Variants in PALM observed in about 807,000 individuals in gnomAD.
PALM encodes the protein paralemmin, also known as paralemmin-1.
PALM carries 18 observed loss-of-function variants against 30.7 expected under a neutral mutation model. That is an observed-to-expected ratio of 0.59 (90% CI 0.41 to 0.87). The LOEUF (loss-of-function observed/expected upper bound fraction) is 0.87. Among genes scored for constraint, PALM ranks in the 40% least tolerant of loss-of-function variants. The probability of loss-of-function intolerance (pLI) is 0.00; values close to 1 mark genes in which losing one functional copy is unlikely to be tolerated. For synonymous variants in PALM, 286 were observed against 242.8 expected (o/e 1.18, Z -1.66); for missense variants, 529 against 555.4 (o/e 0.95, Z 0.48).
At position 727,100 on chromosome 19, in the gene PALM, G is replaced by A. The variant is rs1250528514; in HGVS notation, c.138+12G>A. On this transcript the variant is annotated intron_variant, in intron 3 of 8. Coordinates refer to ENST00000338448, the MANE Select transcript of PALM (RefSeq NM_002579.3). ...TGCAGCACCTGAAGGTACGAGCGGGGCAGGGACCCAGGGTCAGGGAGTGCA... is the reference window on the plus strand; with the variant it reads ...TGCAGCACCTGAAGGTACGAGCGGGACAGGGACCCAGGGTCAGGGAGTGCA... 6 of 1,531,824 alleles carry A rather than the reference G, an allele frequency of 3.9e-6. No individual in the cohort carries two copies. Among genetic ancestry groups the A allele is most frequent in the South Asian group, 3.6e-5 (3 of 83,620 alleles). The allele number at this position is 1,531,824 out of a possible 1,614,324, so 94.9% of individuals were successfully genotyped here. A position where few individuals can be genotyped will look rare whatever the true frequency, so the allele number is the denominator to read the frequency against.
chr19:717,368 TC>T (rs2032299778), intron 1 of PALM, among the ~76,000 whole-genome samples: 1 of 150,762 alleles, frequency 6.6e-6, no homozygotes, highest in Non-Finnish European at 1.5e-5. Context: ...GATCGGCAGG[TC>T]CTGGACATTT....
chr19:738,545 G>A (rs531329582), intron 7 of PALM, among the ~76,000 whole-genome samples: 51 of 152,052 alleles, frequency 3.4e-4, no homozygotes, highest in Non-Finnish European at 5.7e-4. Context: ...AAAGAGGGAG[G>A]ACTGAGCTGC....
Position 746,441 on chromosome 19 carries a change from C to T in PALM, c.791C>T (p.Ala264Val), listed in dbSNP as rs1333922812. Residue 264 changes from alanine to valine, a missense_variant, in exon 9 of 9, where the codon GCC becomes GTC. Coordinates refer to ENST00000338448, the MANE Select transcript of PALM (RefSeq NM_002579.3). This position sits in a 1 kb window ranked among gnomAD's most constrained non-coding sequence, Gnocchi z 7.1. ...ACCCGGGGGGCTGTGGAGGGGGCAG[C>T]CCGGACCACGCCCTCCCGGCGGGAG... ...AETRGAVEGA[A>V]RTTPSRREIT... The T allele has an allele frequency of 2.5e-6, 4 of 1,609,460 alleles. No individual in the cohort carries two copies. Among genetic ancestry groups the T allele is most frequent in the Middle Eastern group, 1.7e-4 (1 of 5,940 alleles).
rs1403318171 is a variant in PALM, at chr19:747,523, C to A, written c.*709C>A. ...TGGGCTATCTTCTAGACGGGGCGAA[C>A]CAGGGGTCATTGACCTGCCCCCTGC... On this transcript the variant is annotated 3_prime_UTR_variant, in exon 9 of 9. Transcript: ENST00000338448. 1 of 152,590 alleles carries A rather than the reference C, an allele frequency of 6.6e-6. No individual in the cohort carries two copies. Among genetic ancestry groups the A allele is most frequent in the African/African-American group, 2.4e-5 (1 of 41,458 alleles). 9.5% of individuals were successfully genotyped at this position (152,590 alleles called of 1,614,324 possible). A position where few individuals can be genotyped will look rare whatever the true frequency, so the allele number is the denominator to read the frequency against.
At chr19:730,045 C>T (rs906025672) in intron 4 of PALM, among the ~76,000 whole-genome samples, 1 of 152,248 alleles carries the variant, frequency 6.6e-6, no homozygotes, top group African/African-American at 2.4e-5. Flanking sequence ...CTTCACCCCT[C>T]CCCAGGGCAG....
At chr19:738,902 G>A (rs1165689228) in intron 7 of PALM, among the ~76,000 whole-genome samples, 1 of 152,208 alleles carries the variant, frequency 6.6e-6, no homozygotes, top group Non-Finnish European at 1.5e-5. Context: ...GGGTGTGCCA[G>A]GCATTGGGAA....
intron 6 of PALM, chr19:734,410 A>G (rs2032962600): frequency 1.7e-6 from 1 of 574,226 alleles, no homozygotes. Context: ...AAAAATGCAA[A>G]GACAATTAGC....
At chr19:710,703 GGT>G (rs1353532912) in intron 1 of PALM, among the ~76,000 whole-genome samples, 4 of 137,772 alleles carry the variant, frequency 2.9e-5, no homozygotes, top group African/African-American at 1.1e-4. Flanking sequence ...GGGGGGCCTC[GGT>G]GCCTCCTGCT....
At chr19:737,805 A>T (rs1036858759) in intron 7 of PALM, among the ~76,000 whole-genome samples, 1 of 151,070 alleles carries the variant, frequency 6.6e-6, no homozygotes, top group Non-Finnish European at 1.5e-5. Context: ...GGCGGAGGAG[A>T]GATGATGGAG....
At chr19:712,543 C>G (rs1462466119) in intron 1 of PALM, among the ~76,000 whole-genome samples, 1 of 151,010 alleles carries the variant, frequency 6.6e-6, no homozygotes, top group African/African-American at 2.4e-5. Flanking sequence ...ACCATCACGC[C>G]CGGCTAATTT....
chr19:738,729 C>T (rs756019175), intron 7 of PALM, among the ~76,000 whole-genome samples: 6 of 152,066 alleles, frequency 3.9e-5, no homozygotes, highest in East Asian at 1.9e-4. Flanking sequence ...AGGTCCCCGG[C>T]GCAGAGCAGA....
chr19:726,625 C>G (rs1364304729), intron 2 of PALM, among the ~76,000 whole-genome samples: 1 of 152,024 alleles, frequency 6.6e-6, no homozygotes, highest in Non-Finnish European at 1.5e-5. Flanking sequence ...GCCTCAGCCT[C>G]TCGAGTAGCT....
intron 1 of PALM, among the ~76,000 whole-genome samples, chr19:713,912 T>C (rs35383400): frequency 0.086 from 12,579 of 146,868 alleles, 698 homozygotes; most frequent in East Asian, 0.24. Context: ...TTCTTTCTTT[T>C]TTTTTTTTTT....
In PALM at chr19:726,241, G is replaced by A. The variant is rs533188204; in HGVS notation, c.57+52G>A. On this transcript the variant is annotated intron_variant, in intron 2 of 8. Transcript: ENST00000338448. ...TGTGGTCAGGGTGGGGAAGTGGGGG[G>A]ACCTGGGGTCTCGGGCCCTGGACCT... The A allele has an allele frequency of 1.1e-4, 166 of 1,526,738 alleles. 1 individual carries two copies. The South Asian group carries it at 1.8e-3, about 17-fold the overall frequency. The allele number at this position is 1,526,738 out of a possible 1,614,324, so 94.6% of individuals were successfully genotyped here. A position where few individuals can be genotyped will look rare whatever the true frequency, so the allele number is the denominator to read the frequency against.
At chr19:735,819 T>C (rs113066305) in intron 6 of PALM, among the ~76,000 whole-genome samples, 200 bp from the exon 7 acceptor site, 25 of 131,904 alleles carry the variant, frequency 1.9e-4, no homozygotes, top group East Asian at 1.1e-3. Flanking sequence ...GGGTGGGATC[T>C]GTGTGTCTGA....
chr19:744,393 C>G (rs1452840569), intron 8 of PALM, among the ~76,000 whole-genome samples: 2 of 114,880 alleles, frequency 1.7e-5, no homozygotes, highest in South Asian at 3.4e-4. Flanking sequence ...GAGCGAGACT[C>G]CATCTCAAAA....
Position 726,984 on chromosome 19 carries a change from GACCCCACCC to G in PALM, c.58-23_58-15del. 1 of 1,183,056 alleles carries G rather than the reference GACCCCACCC, an allele frequency of 8.5e-7. No individual in the cohort carries two copies. The highest frequency in any genetic ancestry group is 1.2e-6 in the Non-Finnish European group (1 of 825,474). The allele number at this position is 1,183,056 out of a possible 1,614,324, so 73.3% of individuals were successfully genotyped here. On this transcript the variant is annotated splice_polypyrimidine_tract_variant and intron_variant, in intron 2 of 8. Transcript: ENST00000338448. ...CTCCGGGACCCCCACGCCCATCCCT[GACCCCACCC>G]GGCCCTCCCCACAGGAGAAGCGGAA...
chr19:717,219 C>T (rs976383879), intron 1 of PALM, among the ~76,000 whole-genome samples: 4 of 152,200 alleles, frequency 2.6e-5, no homozygotes, highest in African/African-American at 4.8e-5. Context: ...TGAGCCACCG[C>T]GCCCAGCAGA....
At chr19:730,737 C>T (rs1483305375) in intron 4 of PALM, among the ~76,000 whole-genome samples, 5 of 152,146 alleles carry the variant, frequency 3.3e-5, no homozygotes, top group East Asian at 1.9e-4. Context: ...CGGTGGGTCA[C>T]GCCTGGAATC....
Sources: gnomAD v4.1 joint callset for allele counts (sites outside exome capture counted in the v4.1 genomes callset) on GRCh38, gnomAD v4.1.1 for gene constraint, Gnocchi (gnomAD v3.1) non-coding constraint, MANE v1.5 for transcripts, NCBI Gene and HGNC (gene_info 2026-07-23, HGNC 2026-07-21) for gene names.